Variants in ZNF721 observed in about 807,000 individuals in gnomAD.
The protein encoded by ZNF721 is zinc finger protein 721.
ZNF721 carries 2 observed loss-of-function variants against 2.4 expected under a neutral mutation model. The ratio of observed to expected loss-of-function variants is 0.82; its 90% confidence interval spans 0.34 to 2.58. The LOEUF (loss-of-function observed/expected upper bound fraction) is 2.58. ZNF721 is among the 30% of genes most tolerant of loss of function. The pLI, the probability that ZNF721 is intolerant of heterozygous loss-of-function variation, is 0.11. For missense variants in ZNF721, 1,187 were observed against 1,085.5 expected (o/e 1.09, Z -1.31); for synonymous variants, 398 against 381.8 (o/e 1.04, Z -0.50).
chr4:486,099 G>A (rs781914664), intron 1 of ZNF721, among the ~76,000 whole-genome samples: 7 of 152,008 alleles, frequency 4.6e-5, no homozygotes, highest in Non-Finnish European at 7.4e-5. Context: ...TGCATCCAAG[G>A]GTAAGAAGCA....
rs1714200775 is a variant in ZNF721 at position 440,602 on chromosome 4, A to C, written c.*1093T>G. The stretch of plus-strand genomic sequence containing the variant: ...TTACATAGTCTTAATTTTAGCCTAA[A>C]TATTTCTTCACATTTACTGCACCTA... On this transcript the variant is annotated 3_prime_UTR_variant, in exon 3 of 3. Transcript: ENST00000511833. 1 of 152,168 alleles carries C rather than the reference A, an allele frequency of 6.6e-6. No homozygotes were observed. Among genetic ancestry groups the C allele is most frequent in the South Asian group, 2.1e-4 (1 of 4,822 alleles). 9.4% of individuals were successfully genotyped at this position (152,168 alleles called of 1,614,324 possible).
chr4:441,356 G>A lies in ZNF721; in HGVS notation c.*339C>T, dbSNP rs1003814792. 1 of 195,714 alleles carries A rather than the reference G, an allele frequency of 5.1e-6. No individual in the cohort carries two copies. Among genetic ancestry groups the A allele is most frequent in the Non-Finnish European group, 1.0e-5 (1 of 95,674 alleles). 12.1% of individuals were successfully genotyped at this position (195,714 alleles called of 1,614,324 possible). A position where few individuals can be genotyped will look rare whatever the true frequency, so the allele number is the denominator to read the frequency against. On this transcript the variant is annotated 3_prime_UTR_variant, in exon 3 of 3. Transcript: ENST00000511833. ...CAAAAATGCTAAGCATTGGTTACAA[G>A]TTTTGCCACATTTTTTGTATTTCCA... is the stretch of plus-strand genomic sequence containing the variant.
chr4:476,026 A>G (rs1715616143), intron 1 of ZNF721, among the ~76,000 whole-genome samples: 1 of 152,224 alleles, frequency 6.6e-6, no homozygotes, highest in African/African-American at 2.4e-5. Context: ...TTCATGAAAT[A>G]TTCCCAATAC....
At chr4:494,920 C>T (rs1472021369) in intron 1 of ZNF721, among the ~76,000 whole-genome samples, 1 of 144,404 alleles carries the variant, frequency 6.9e-6, no homozygotes, top group Non-Finnish European at 1.5e-5. Context: ...GAGACGGAGT[C>T]TCACTGTCGC....
chr4:454,157 G>C (rs1305356960), intron 2 of ZNF721: 1 of 152,118 alleles, frequency 6.6e-6, no homozygotes, highest in Non-Finnish European at 1.5e-5. Context: ...CAGTCCCCTG[G>C]GGGGGCCCTC....
rs1553863862 is a variant in ZNF721, at chr4:444,146, T to A, written c.321A>T (p.Lys107Asn). 6.2e-7 allele frequency: 1 copy of A among 1,614,054 alleles called. No individual in the cohort carries two copies. The highest frequency in any genetic ancestry group is 8.5e-7 in the Non-Finnish European group (1 of 1,180,006). Residue 107 changes from lysine to asparagine, a missense_variant, in exon 3 of 3, where the codon AAA becomes AAT. Coordinates refer to ENST00000511833, the MANE Select transcript of ZNF721 (RefSeq NM_133474.4). Reference sequence around the variant, plus strand: ...TGCCACATTCGTTACATTTAAAGTGTTTCTCTCCAGTATGTCTTGTCTTAT... The same window carrying A: ...TGCCACATTCGTTACATTTAAAGTGATTCTCTCCAGTATGTCTTGTCTTAT... ...NKDKTRHTGE[K>N]HFKCNECGKS...
chr4:451,736 G>C (rs1714667095), intron 2 of ZNF721, among the ~76,000 whole-genome samples: 1 of 152,186 alleles, frequency 6.6e-6, no homozygotes, highest in Non-Finnish European at 1.5e-5. Context: ...CGCATTTCCT[G>C]CACAGAACAT....
intron 1 of ZNF721, chr4:474,143 AG>A: frequency 1.2e-6 from 1 of 816,956 alleles, no homozygotes; most frequent in Non-Finnish European, 1.8e-6. Flanking sequence ...CTGAAGCAAC[AG>A]GCCAAGGCCG....
intron 1 of ZNF721, chr4:473,934 C>G: frequency 6.7e-7 from 1 of 1,500,940 alleles, no homozygotes; most frequent in Non-Finnish European, 9.0e-7. Context: ...GCCGCCGGTT[C>G]TGATGAGGCC....
At chr4:493,092 A>T (rs782695999) in intron 1 of ZNF721, among the ~76,000 whole-genome samples, 5 of 151,658 alleles carry the variant, frequency 3.3e-5, no homozygotes, top group Non-Finnish European at 5.9e-5. Flanking sequence ...TTAATTGTTT[A>T]CCTAGATTAT....
intron 2 of ZNF721, among the ~76,000 whole-genome samples, chr4:468,462 A>G (rs1161170086): frequency 6.6e-6 from 1 of 152,108 alleles, no homozygotes; most frequent in Non-Finnish European, 1.5e-5. Flanking sequence ...GTTCCCAGGT[A>G]GTCAGTAAAA....
At chr4:474,338 C>G (rs1395298180) in intron 1 of ZNF721, among the ~76,000 whole-genome samples, 2 of 152,100 alleles carry the variant, frequency 1.3e-5, no homozygotes, top group African/African-American at 4.8e-5. Context: ...CAGGCACTTT[C>G]AGGCGGCGCT....
At chr4:483,113 G>A (rs77516491) in intron 1 of ZNF721, among the ~76,000 whole-genome samples, 2,529 of 152,328 alleles carry the variant, frequency 0.017, 64 homozygotes, top group African/African-American at 0.056. Context: ...TGGGGAAGGA[G>A]TTGAAGTAGA....
chr4:458,362 G>A (rs1160796703), intron 2 of ZNF721, among the ~76,000 whole-genome samples: 1 of 152,132 alleles, frequency 6.6e-6, no homozygotes, highest in Non-Finnish European at 1.5e-5. Flanking sequence ...TACAATCTCA[G>A]TGGAAATCTC....
chr4:440,494 T>A lies in ZNF721; in HGVS notation c.*1201A>T, dbSNP rs1482027735. ...AAGGAAATTTTCTAACAGGTTCAAC[T>A]TTTGTTATACTTAATACTCTGATTT... On this transcript the variant is annotated 3_prime_UTR_variant, in exon 3 of 3. Coordinates refer to ENST00000511833, the MANE Select transcript of ZNF721 (RefSeq NM_133474.4). 1 of 152,248 alleles carries A rather than the reference T, an allele frequency of 6.6e-6. No individual in the cohort carries two copies. The highest frequency in any genetic ancestry group is 1.5e-5 in the Non-Finnish European group (1 of 68,040). The allele number at this position is 152,248 out of a possible 1,614,324, so 9.4% of individuals were successfully genotyped here. A position where few individuals can be genotyped will look rare whatever the true frequency, so the allele number is the denominator to read the frequency against.
At chr4:445,467 T>G (rs1714442360) in intron 2 of ZNF721, among the ~76,000 whole-genome samples, 3 of 152,208 alleles carry the variant, frequency 2.0e-5, no homozygotes. Flanking sequence ...AATAGCTTTT[T>G]GTTAATGTTC....
At chr4:496,999 A>AC (rs879968244) in intron 1 of ZNF721, among the ~76,000 whole-genome samples, 5 of 152,092 alleles carry the variant, frequency 3.3e-5, no homozygotes, top group African/African-American at 4.8e-5. Context: ...GGCGTGAGCC[A>AC]CCGCGCCCAG....
intron 2 of ZNF721, among the ~76,000 whole-genome samples, chr4:469,450 G>A (rs1715360403): frequency 6.6e-6 from 1 of 152,028 alleles, no homozygotes; most frequent in Admixed American, 6.6e-5. Context: ...AATTGAAGCA[G>A]ACACAAACAC....
intron 2 of ZNF721, among the ~76,000 whole-genome samples, chr4:460,824 C>T (rs547749234): frequency 1.7e-4 from 26 of 152,202 alleles, no homozygotes; most frequent in African/African-American, 6.0e-4. Context: ...AACAACTCTA[C>T]GCAAATAAAC....
Sources: allele counts gnomAD v4.1 joint callset (sites outside exome capture counted in the v4.1 genomes callset), GRCh38; gene constraint gnomAD v4.1.1; transcripts MANE v1.5; gene names NCBI Gene and HGNC (gene_info 2026-07-23, HGNC 2026-07-21).